UQCC6: variants seen among roughly 807,000 people sequenced by gnomAD.
The protein encoded by UQCC6 is ubiquinol-cytochrome c reductase complex assembly factor 6, also known as protein BRAWNIN.
At chr12:103,959,620 G>A in the UQCC6 span, among the ~76,000 whole-genome samples, 3 of 151,842 alleles carry the variant, frequency 2.0e-5, no homozygotes, top group South Asian at 6.3e-4. Context: ...GCTGAGGCAG[G>A]AGAATTGCTT....
chr12:103,957,093 C>T, the UQCC6 span: 1 of 283,890 alleles, frequency 3.5e-6, no homozygotes, highest in Non-Finnish European at 6.9e-6. Context: ...GAACTGTGGA[C>T]TTCACTCCTC....
At chr12:103,953,796 G>C in the UQCC6 span, among the ~76,000 whole-genome samples, 49 of 152,296 alleles carry the variant, frequency 3.2e-4, no homozygotes, top group Admixed American at 2.7e-3. Flanking sequence ...GGTAGCTGCT[G>C]TAACAACCCT....
chr12:103,951,745 T>C, the UQCC6 span: 9,605 of 591,994 alleles, frequency 0.016, 177 homozygotes, highest in South Asian at 0.059. Context: ...CCTTGCTTGC[T>C]ACTCAATGAT....
At chr12:103,963,516 C>T in the UQCC6 span, among the ~76,000 whole-genome samples, 41 of 152,296 alleles carry the variant, frequency 2.7e-4, no homozygotes, top group Admixed American at 4.6e-4. Flanking sequence ...AAAACGCTTA[C>T]CTGGATTTTG....
At chr12:103,961,304 T>C in the UQCC6 span, among the ~76,000 whole-genome samples, 1 of 152,184 alleles carries the variant, frequency 6.6e-6, no homozygotes, top group Non-Finnish European at 1.5e-5. Flanking sequence ...TTTAAAAAAT[T>C]AAAAAGTCTA....
chr12:103,954,629 C>T, the UQCC6 span: 1 of 331,862 alleles, frequency 3.0e-6, no homozygotes. Flanking sequence ...TTGGGGATCA[C>T]ATTTCGGCGT....
At chr12:103,960,351 G>C in the UQCC6 span, among the ~76,000 whole-genome samples, 2 of 152,152 alleles carry the variant, frequency 1.3e-5, no homozygotes, top group African/African-American at 4.8e-5. Context: ...TGAGATTACA[G>C]GCATGAGCCA....
the UQCC6 span, among the ~76,000 whole-genome samples, chr12:103,952,955 A>T: frequency 2.6e-5 from 4 of 152,218 alleles, no homozygotes; most frequent in African/African-American, 9.6e-5. Context: ...TTGTCAGTAT[A>T]GCTGGTACAA....
At chr12:103,957,998 A>T in the UQCC6 span, among the ~76,000 whole-genome samples, 2 of 140,536 alleles carry the variant, frequency 1.4e-5, no homozygotes, top group East Asian at 4.4e-4. Context: ...ATATATTTAT[A>T]ATATATATTT....
chr12:103,960,475 T>G, the UQCC6 span, among the ~76,000 whole-genome samples: 1 of 152,214 alleles, frequency 6.6e-6, no homozygotes, highest in African/African-American at 2.4e-5. Flanking sequence ...TGGTCAGGCT[T>G]TTTTATTTTA....
chr12:103,963,663 T>C, the UQCC6 span, among the ~76,000 whole-genome samples: 21 of 152,232 alleles, frequency 1.4e-4, no homozygotes, highest in Non-Finnish European at 1.6e-4. Context: ...GATAGAAATC[T>C]TGCGTCTTTT....
the UQCC6 span, chr12:103,953,591 A>T: frequency 4.3e-6 from 3 of 702,306 alleles, no homozygotes; most frequent in Non-Finnish European, 7.8e-6. Context: ...CAAAACCAAA[A>T]GACATAGGTA....
At chr12:103,954,682 T>C in the UQCC6 span, 2 of 438,574 alleles carry the variant, frequency 4.6e-6, no homozygotes, top group Non-Finnish European at 4.0e-6. Context: ...TCAGTGGACA[T>C]TCAACAACAG....
the UQCC6 span, among the ~76,000 whole-genome samples, chr12:103,952,827 A>G: frequency 6.6e-6 from 1 of 152,174 alleles, no homozygotes; most frequent in Non-Finnish European, 1.5e-5. Context: ...GAACAAAGAC[A>G]TGGAGGAGGA....
the UQCC6 span, among the ~76,000 whole-genome samples, chr12:103,965,203 T>C: frequency 6.6e-6 from 1 of 152,148 alleles, no homozygotes; most frequent in Non-Finnish European, 1.5e-5. Context: ...AAAAGCCAGC[T>C]GCAAGAACCA....
the UQCC6 span, among the ~76,000 whole-genome samples, chr12:103,961,610 G>A: frequency 4.1e-3 from 622 of 152,212 alleles, 3 homozygotes; most frequent in Admixed American, 8.8e-3. Flanking sequence ...AGGCTAGAGT[G>A]CAGTGGCTCA....
chr12:103,963,044 A>G, the UQCC6 span, among the ~76,000 whole-genome samples: 1 of 149,594 alleles, frequency 6.7e-6, no homozygotes, highest in South Asian at 2.1e-4. Flanking sequence ...GCACTGATAT[A>G]TATTTCTCTC....
the UQCC6 span, chr12:103,951,622 A>C: frequency 6.6e-7 from 1 of 1,522,192 alleles, no homozygotes; most frequent in Non-Finnish European, 8.8e-7. Context: ...GTGGAATTTC[A>C]GGTATTGTCT....
At chr12:103,958,940 A>G in the UQCC6 span, among the ~76,000 whole-genome samples, 1 of 152,150 alleles carries the variant, frequency 6.6e-6, no homozygotes, top group African/African-American at 2.4e-5. Context: ...TTTGCCCTTT[A>G]TTGTCCTGCT....
Sources: gnomAD v4.1 joint callset for allele counts (sites outside exome capture counted in the v4.1 genomes callset) on GRCh38, gnomAD v4.1.1 for gene constraint, MANE v1.5 for transcripts, NCBI Gene and HGNC (gene_info 2026-07-23, HGNC 2026-07-21) for gene names.